Variants in INPP4A observed in about 807,000 individuals in gnomAD.
INPP4A encodes the protein inositol polyphosphate-4-phosphatase type I A.
INPP4A carries 33 observed loss-of-function variants against 119.8 expected under a neutral mutation model. The ratio of observed to expected loss-of-function variants is 0.28; its 90% CI spans 0.21 to 0.37. The LOEUF (loss-of-function observed/expected upper bound fraction) is 0.37. Among genes scored for constraint, INPP4A ranks in the 10% least tolerant of loss-of-function variants. The pLI, the probability that INPP4A is intolerant of heterozygous loss-of-function variation, is 1.00. For missense variants in INPP4A, 956 were observed against 1,289.9 expected, an observed-to-expected ratio of 0.74 and a Z score of 3.97; for synonymous variants, 496 against 500.7, an observed-to-expected ratio of 0.99 and a Z score of 0.12.
At chr2:98,502,348 G>T (rs1443997168) in intron 1 of INPP4A, among the ~76,000 whole-genome samples, 1 of 151,604 alleles carries the variant, frequency 6.6e-6, no homozygotes, top group African/African-American at 2.4e-5. Context: ...TTTTCTATAG[G>T]TTTCTTCCAG....
intron 13 of INPP4A, among the ~76,000 whole-genome samples, chr2:98,550,203 C>T (rs1320758352): frequency 2.6e-5 from 4 of 152,094 alleles, no homozygotes; most frequent in African/African-American, 9.7e-5. Flanking sequence ...TTGCCGTCTC[C>T]CCCCTGCTCC....
intron 13 of INPP4A, chr2:98,548,962 G>T: frequency 1.2e-6 from 2 of 1,611,950 alleles, no homozygotes; most frequent in Non-Finnish European, 1.7e-6. Context: ...CAGTTTTGAG[G>T]AGTGTTGGTG....
chr2:98,469,294 C>T (rs1169683643), intron 1 of INPP4A, among the ~76,000 whole-genome samples: 1 of 152,006 alleles, frequency 6.6e-6, no homozygotes, highest in Non-Finnish European at 1.5e-5. Flanking sequence ...GTCAGGAGTT[C>T]AAGACCAGCC....
chr2:98,511,101 C>T (rs796132845), intron 1 of INPP4A, among the ~76,000 whole-genome samples: 24 of 152,006 alleles, frequency 1.6e-4, no homozygotes, highest in African/African-American at 5.5e-4. Flanking sequence ...GCTTTGTTGC[C>T]CAGGCTGGAG....
chr2:98,488,509 G>C (rs1680012999), intron 1 of INPP4A, among the ~76,000 whole-genome samples: 2 of 152,156 alleles, frequency 1.3e-5, no homozygotes, highest in African/African-American at 4.8e-5. Context: ...ACCCGAAATT[G>C]TCTCTGTCAC....
intron 1 of INPP4A, among the ~76,000 whole-genome samples, chr2:98,479,266 G>A (rs970373036): frequency 6.6e-6 from 1 of 152,198 alleles, no homozygotes; most frequent in African/African-American, 2.4e-5. Context: ...CCATTTGGCT[G>A]CAGTGGTGCT....
At chr2:98,540,735 A>G (rs1197496889) in intron 10 of INPP4A, among the ~76,000 whole-genome samples, 1 of 152,200 alleles carries the variant, frequency 6.6e-6, no homozygotes, top group Non-Finnish European at 1.5e-5. Flanking sequence ...CTGTTGTAAT[A>G]ACCAACCCAT....
intron 1 of INPP4A, among the ~76,000 whole-genome samples, chr2:98,505,483 GA>G (rs1479666042): frequency 6.6e-6 from 1 of 152,230 alleles, no homozygotes; most frequent in African/African-American, 2.4e-5. Context: ...TTTTGTAGGA[GA>G]GAGAGGACAC....
At chr2:98,509,375 G>A (rs976972674) in intron 1 of INPP4A, among the ~76,000 whole-genome samples, 2 of 152,180 alleles carry the variant, frequency 1.3e-5, no homozygotes, top group African/African-American at 4.8e-5. Context: ...TGTGAACTGC[G>A]TATGTGAGGG....
intron 1 of INPP4A, among the ~76,000 whole-genome samples, chr2:98,477,433 T>C (rs972861458): frequency 6.6e-6 from 1 of 152,244 alleles, no homozygotes; most frequent in African/African-American, 2.4e-5. Context: ...TCCTGACCCG[T>C]TTCCAGATTC....
intron 1 of INPP4A, among the ~76,000 whole-genome samples, chr2:98,455,323 G>GT (rs1212553175): frequency 6.6e-6 from 1 of 151,864 alleles, no homozygotes; most frequent in Non-Finnish European, 1.5e-5. Context: ...GGGTGACAGA[G>GT]TGAGACCCTG....
At chr2:98,463,838 C>A (rs947136281) in intron 1 of INPP4A, among the ~76,000 whole-genome samples, 1 of 152,084 alleles carries the variant, frequency 6.6e-6, no homozygotes, top group Non-Finnish European at 1.5e-5. Context: ...CTGCTGCATG[C>A]GGTGCCAGGG....
chr2:98,528,205 A>G (rs1271487633), intron 4 of INPP4A, among the ~76,000 whole-genome samples: 4 of 152,250 alleles, frequency 2.6e-5, no homozygotes, highest in East Asian at 1.9e-4. Flanking sequence ...GATAGAAACT[A>G]TAAAGATATC....
intron 1 of INPP4A, among the ~76,000 whole-genome samples, chr2:98,479,834 C>T (rs181790499): frequency 2.6e-5 from 4 of 152,356 alleles, no homozygotes; most frequent in Admixed American, 2.6e-4. Context: ...GCTGTCCCTT[C>T]TGTCAGGGTC....
At chr2:98,576,578 G>A (rs916206623) in intron 23 of INPP4A, among the ~76,000 whole-genome samples, 2 of 152,222 alleles carry the variant, frequency 1.3e-5, no homozygotes, top group African/African-American at 4.8e-5. Context: ...CATCCTGAGA[G>A]TGGCTCTGGC....
At chr2:98,574,213 C>G (rs1575150800) in intron 23 of INPP4A, among the ~76,000 whole-genome samples, 1 of 152,174 alleles carries the variant, frequency 6.6e-6, no homozygotes, top group East Asian at 1.9e-4. Flanking sequence ...TGCAGCAGGA[C>G]AGAGGGGGCT....
intron 1 of INPP4A, among the ~76,000 whole-genome samples, chr2:98,511,934 G>A (rs1372215909): frequency 2.0e-5 from 3 of 152,194 alleles, no homozygotes; most frequent in African/African-American, 4.8e-5. Flanking sequence ...GCAAAGTACC[G>A]TGGACCTTGG....
intron 16 of INPP4A, among the ~76,000 whole-genome samples, chr2:98,556,292 C>T (rs937499780): frequency 2.0e-5 from 3 of 152,216 alleles, no homozygotes; most frequent in African/African-American, 7.2e-5. Flanking sequence ...GCTGGGCACT[C>T]TCTTATGCAG....
chr2:98,518,192 T>C (rs182785119), intron 1 of INPP4A, among the ~76,000 whole-genome samples: 13 of 152,370 alleles, frequency 8.5e-5, no homozygotes, highest in Admixed American at 5.9e-4. Context: ...GCTTCACTTG[T>C]GTGCCTTTTG....
Sources: allele counts gnomAD v4.1 joint callset (sites outside exome capture counted in the v4.1 genomes callset), GRCh38; gene constraint gnomAD v4.1.1; transcripts MANE v1.5; gene names NCBI Gene and HGNC (gene_info 2026-07-23, HGNC 2026-07-21).